FAT4: variants seen among roughly 807,000 people sequenced by gnomAD.
FAT4 encodes protocadherin Fat 4.
In FAT4, 84 loss-of-function variants were observed where a neutral mutation model predicts 303.9. The observed-to-expected ratio is 0.28, with a 90% CI of 0.23 to 0.33. FAT4 has a LOEUF of 0.33. Among genes scored for constraint, FAT4 ranks in the 10% least tolerant of loss-of-function variants. The pLI, the probability that FAT4 is intolerant of heterozygous loss-of-function variation, is 1.00. For synonymous variants in FAT4, 2,307 were observed against 2,298.8 expected, an observed-to-expected ratio of 1.00 and a Z score of -0.10; for missense variants, 6,005 against 6,146.8, an observed-to-expected ratio of 0.98 and a Z score of 0.77.
Position 125,452,555 on chromosome 4 carries a change from T to A in FAT4, c.11545T>A (p.Leu3849Ile). The change falls in exon 10 of 18, where the codon TTA (leucine) becomes ATA (isoleucine). Residue 3849 changes from leucine to isoleucine, a missense_variant. Transcript: ENST00000394329. ...GGCAAATGAACCTCTGCAGCCTTTC[T>A]TATGCAAGTGTCTGCCAGGATATGC... ...IVANEPLQPFLCKCLPGYAGS... is the reference protein window; with the variant it reads ...IVANEPLQPFICKCLPGYAGS... The A allele has an allele frequency of 6.2e-7, 1 of 1,614,178 alleles. No homozygotes were observed. Among genetic ancestry groups the A allele is most frequent in the Non-Finnish European group, 8.5e-7 (1 of 1,180,022 alleles).
At chr4:125,471,665 C>T (rs1726858335) in intron 12 of FAT4, among the ~76,000 whole-genome samples, 1 of 151,540 alleles carries the variant, frequency 6.6e-6, no homozygotes, top group South Asian at 2.1e-4. Flanking sequence ...ATATTTCCCC[C>T]ATCTCTAACA....
intron 2 of FAT4, among the ~76,000 whole-genome samples, chr4:125,387,258 A>C (rs1733790561): frequency 6.6e-6 from 1 of 152,220 alleles, no homozygotes; most frequent in East Asian, 1.9e-4. Flanking sequence ...GCATCAAAGA[A>C]TAGAAATGTC....
At chr4:125,442,354 T>C (rs1725689451) in intron 8 of FAT4, among the ~76,000 whole-genome samples, 1 of 152,148 alleles carries the variant, frequency 6.6e-6, no homozygotes, top group Admixed American at 6.6e-5. Context: ...GGACATAAAC[T>C]TGAAACCAGG....
In FAT4 at chr4:125,317,636, G is replaced by A; in HGVS notation, c.1225G>A (p.Val409Met). Residue 409 changes from valine (V) to methionine (M), a missense_variant, in exon 2 of 18, where the codon GTG becomes ATG. Physicochemically the swap from Val to Met is conservative, Grantham distance 21. Coordinates refer to ENST00000394329, the MANE Select transcript of FAT4 (RefSeq NM_001291303.3). The surrounding 1 kb of genome is among the most constrained non-coding windows in gnomAD (Gnocchi z 7.0). ...GGGCAATGAGCAGCGCCACTTTGAA[G>A]TGCAAAGCAGCAAAGTGCCGAACCT... ...LGGNEQRHFEVQSSKVPNLSL... is the reference protein window; with the variant it reads ...LGGNEQRHFEMQSSKVPNLSL... 6.2e-7 allele frequency: 1 copy of A among 1,614,088 alleles called. No individual in the cohort carries two copies. Among genetic ancestry groups the A allele is most frequent in the African/African-American group, 1.3e-5 (1 of 75,066 alleles).
intron 2 of FAT4, among the ~76,000 whole-genome samples, chr4:125,345,967 C>T (rs1467206428): frequency 6.6e-6 from 1 of 151,980 alleles, no homozygotes; most frequent in Non-Finnish European, 1.5e-5. Flanking sequence ...AAGTCCTCCC[C>T]CTCTTTTTTT....
At chr4:125,429,922 A>G (rs911002108) in intron 7 of FAT4, among the ~76,000 whole-genome samples, 7 of 152,148 alleles carry the variant, frequency 4.6e-5, no homozygotes, top group African/African-American at 1.7e-4. Flanking sequence ...AATAGGATGT[A>G]TCCACTACAC....
At chr4:125,395,325 T>A (rs138804585) in intron 2 of FAT4, among the ~76,000 whole-genome samples, 15 of 152,318 alleles carry the variant, frequency 9.8e-5, no homozygotes, top group African/African-American at 3.6e-4. Flanking sequence ...TTTATTCTTT[T>A]TTGAGACAGA....
At chr4:125,399,432 C>G (rs1734301970) in intron 3 of FAT4, among the ~76,000 whole-genome samples, 1 of 151,812 alleles carries the variant, frequency 6.6e-6, no homozygotes. Context: ...GAAAAAAACT[C>G]CATAGCTTAT....
intron 8 of FAT4, among the ~76,000 whole-genome samples, chr4:125,445,264 A>T (rs954893665): frequency 3.3e-5 from 5 of 152,252 alleles, no homozygotes; most frequent in Admixed American, 3.3e-4. Context: ...AAAGTAGGAT[A>T]AAAAATGCTG....
chr4:125,351,866 T>A lies in FAT4; in HGVS notation c.5175+30280T>A, dbSNP rs920857479. On this transcript the variant is annotated intron_variant, in intron 2 of 17. Coordinates refer to ENST00000394329, the MANE Select transcript of FAT4 (RefSeq NM_001291303.3). Reference sequence around the variant, plus strand: ...GAATTCTTCAGAATTTTCCCATTTATTACTAAATTCTAGACACTTCCAACT... The same window carrying A: ...GAATTCTTCAGAATTTTCCCATTTAATACTAAATTCTAGACACTTCCAACT... 3.5e-4 allele frequency among the ~76,000 whole-genome samples: 53 copies of A among 151,728 alleles called. 1 individual carries two copies. The highest frequency in any genetic ancestry group is 2.1e-4 in the South Asian group (1 of 4,822).
Position 125,317,577 on chromosome 4 carries a change from C to A in FAT4, c.1166C>A (p.Ala389Glu), listed in dbSNP as rs1189298195. ...ACCGTGACGGACGCAGATTCTCCCG[C>A]GGCCAACGGGAACATCTCCGTGCAA... is the stretch of plus-strand genomic sequence containing the variant. Reference protein sequence around the residue: ...LLTVTDADSPAANGNISVQIL... With the variant: ...LLTVTDADSPEANGNISVQIL... The change falls in exon 2 of 18, where the codon GCG (alanine) becomes GAG (glutamate). Residue 389 changes from alanine to glutamate, a missense_variant. Coordinates refer to ENST00000394329, the MANE Select transcript of FAT4 (RefSeq NM_001291303.3). This position sits in a 1 kb window ranked among gnomAD's most constrained non-coding sequence, Gnocchi z 7.0. The A allele has an allele frequency of 6.2e-7, 1 of 1,613,830 alleles. No individual in the cohort carries two copies. Among genetic ancestry groups the A allele is most frequent in the South Asian group, 1.1e-5 (1 of 91,034 alleles).
intron 12 of FAT4, among the ~76,000 whole-genome samples, chr4:125,473,043 T>C (rs1456511532): frequency 6.6e-6 from 1 of 152,126 alleles, no homozygotes; most frequent in Non-Finnish European, 1.5e-5. Context: ...TTATATAGTG[T>C]TTACTTAATA....
At chr4:125,454,757 C>T (rs192998459) in intron 10 of FAT4, among the ~76,000 whole-genome samples, 105 of 152,166 alleles carry the variant, frequency 6.9e-4, no homozygotes, top group Non-Finnish European at 1.4e-3. Context: ...TGCTGGAACC[C>T]GGGAGATGGA....
chr4:125,370,806 T>A (rs961447254), intron 2 of FAT4, among the ~76,000 whole-genome samples: 4 of 152,052 alleles, frequency 2.6e-5, no homozygotes, highest in Admixed American at 2.6e-4. Context: ...TTTCAAAAAA[T>A]TTCAAAATTT....
chr4:125,354,370 A>G (rs948419436), intron 2 of FAT4, among the ~76,000 whole-genome samples: 2 of 151,804 alleles, frequency 1.3e-5, no homozygotes, highest in African/African-American at 4.8e-5. Context: ...TAACTAAGAT[A>G]CTTTGGTGTT....
intron 2 of FAT4, among the ~76,000 whole-genome samples, chr4:125,348,565 A>G (rs1304203835): frequency 6.6e-6 from 1 of 151,686 alleles, no homozygotes; most frequent in Non-Finnish European, 1.5e-5. Flanking sequence ...CACTCTAGGT[A>G]TGACCACTCA....
intron 12 of FAT4, among the ~76,000 whole-genome samples, chr4:125,475,264 G>A (rs1726988638): frequency 6.6e-6 from 1 of 152,040 alleles, no homozygotes; most frequent in Admixed American, 6.6e-5. Context: ...TAGCATTGGA[G>A]ATTACACAAT....
At position 125,448,207 on chromosome 4, in the gene FAT4, T is replaced by G. The variant is rs113289526; in HGVS notation, c.7451-254T>G. 2.0e-3 allele frequency among the ~76,000 whole-genome samples: 311 copies of G among 152,244 alleles called. 2 individuals are homozygous for G. Among genetic ancestry groups the G allele is most frequent in the African/African-American group, 6.8e-3 (283 of 41,556 alleles). On this transcript the variant is annotated intron_variant, in intron 9 of 17. Coordinates refer to ENST00000394329, the MANE Select transcript of FAT4 (RefSeq NM_001291303.3). The stretch of plus-strand genomic sequence containing the variant: ...TTTCCCTAGGCTTCTCTCAAAGGCA[T>G]ACTGAAAAGTATTAAATCCAACAGA...
intron 2 of FAT4, among the ~76,000 whole-genome samples, chr4:125,391,027 C>T (rs759961594): frequency 2.6e-5 from 4 of 152,098 alleles, no homozygotes; most frequent in Non-Finnish European, 5.9e-5. Context: ...ACAATAGATG[C>T]TTCTGAGGCT....
Sources: gnomAD v4.1 joint callset for allele counts (sites outside exome capture counted in the v4.1 genomes callset) on GRCh38, gnomAD v4.1.1 for gene constraint, Gnocchi (gnomAD v3.1) non-coding constraint, MANE v1.5 for transcripts, NCBI Gene and HGNC (gene_info 2026-07-23, HGNC 2026-07-21) for gene names.